The following CSMD1 variants were observed in gnomAD, a reference collection of about 807,000 sequenced individuals.
CSMD1 encodes the protein CUB and Sushi multiple domains 1.
CSMD1 carries 213 observed loss-of-function variants against 417.5 expected under a neutral mutation model. The ratio of observed to expected loss-of-function variants is 0.51; its 90% CI spans 0.46 to 0.57. The LOEUF (loss-of-function observed/expected upper bound fraction) is 0.57, where lower values mean the gene tolerates loss of function less well. CSMD1 is among the 20% of genes least tolerant of loss of function. The pLI, the probability that CSMD1 is intolerant of heterozygous loss-of-function variation, is 0.00. For synonymous variants in CSMD1, 2,862 were observed against 1,736.8 expected (o/e 1.65, Z -16.11); for missense variants, 6,923 against 4,529.7 (o/e 1.53, Z -15.17).
chr8:3,062,931 C>T (rs560075203), intron 49 of CSMD1, among the ~76,000 whole-genome samples: 150 of 151,914 alleles, frequency 9.9e-4, no homozygotes, highest in African/African-American at 3.2e-3. Context: ...GTCTTTTTTT[C>T]GGAATATAAA....
At chr8:4,067,147 G>C (rs1366183197) in intron 3 of CSMD1, among the ~76,000 whole-genome samples, 1 of 152,198 alleles carries the variant, frequency 6.6e-6, no homozygotes, top group African/African-American at 2.4e-5. Context: ...CAAAACCAAA[G>C]GGAAAGCAAG....
At chr8:4,588,599 A>G (rs1375465858) in intron 2 of CSMD1, among the ~76,000 whole-genome samples, 4 of 151,814 alleles carry the variant, frequency 2.6e-5, no homozygotes, top group Non-Finnish European at 5.9e-5. Flanking sequence ...ATCCTGGTTA[A>G]CACGGTGAAA....
Position 4,994,668 on chromosome 8 carries a change from C to A in CSMD1, c.-252G>T, listed in dbSNP as rs1474816280. 2 of 400,734 alleles carry A rather than the reference C, an allele frequency of 5.0e-6. No individual in the cohort carries two copies. Among genetic ancestry groups the A allele is most frequent in the Non-Finnish European group, 8.9e-6 (2 of 223,828 alleles). The allele number at this position is 400,734 out of a possible 1,614,324, so 24.8% of individuals were successfully genotyped here. A position where few individuals can be genotyped will look rare whatever the true frequency, so the allele number is the denominator to read the frequency against. On this transcript the variant is annotated 5_prime_UTR_variant, in exon 1 of 70. Transcript: ENST00000635120. ...AGACCCGGGCTGGCGGGGCCGGGGC[C>A]GGGGACGAGCGCCGGCCGAGCCGGG...
chr8:3,580,940 C>A (rs985415401), intron 9 of CSMD1, among the ~76,000 whole-genome samples: 12 of 152,196 alleles, frequency 7.9e-5, no homozygotes, highest in African/African-American at 1.7e-4. Context: ...TTTTAGCTAA[C>A]CTCATCTGAA....
chr8:4,077,839 T>A (rs143108807), intron 3 of CSMD1, among the ~76,000 whole-genome samples: 4 of 152,152 alleles, frequency 2.6e-5, no homozygotes, highest in African/African-American at 4.8e-5. Flanking sequence ...ATAAACCAAA[T>A]TGAGCCTAAA....
At chr8:3,952,357 G>A (rs868077478) in intron 5 of CSMD1, among the ~76,000 whole-genome samples, 3 of 152,102 alleles carry the variant, frequency 2.0e-5, no homozygotes, top group Non-Finnish European at 1.5e-5. Flanking sequence ...ATCTTCTGTT[G>A]AACCAAACAT....
chr8:3,398,243 A>C (rs1475938044), intron 16 of CSMD1, among the ~76,000 whole-genome samples: 1 of 152,202 alleles, frequency 6.6e-6, no homozygotes, highest in African/African-American at 2.4e-5. Context: ...TAAGTGGAGA[A>C]ATTAGTAAGA....
At chr8:4,320,063 C>T (rs377714650) in intron 3 of CSMD1, among the ~76,000 whole-genome samples, 1 of 152,120 alleles carries the variant, frequency 6.6e-6, no homozygotes, top group Non-Finnish European at 1.5e-5. Flanking sequence ...CAAAAGACTT[C>T]GTTGGTTTTA....
At chr8:3,558,011 T>C (rs1799232858) in intron 10 of CSMD1, among the ~76,000 whole-genome samples, 6 of 151,936 alleles carry the variant, frequency 3.9e-5, no homozygotes, top group Admixed American at 3.9e-4. Flanking sequence ...TGTCCACTCC[T>C]CCAATGATGA....
chr8:4,203,455 T>C (rs1192102089), intron 3 of CSMD1, among the ~76,000 whole-genome samples: 3 of 152,194 alleles, frequency 2.0e-5, no homozygotes, highest in Non-Finnish European at 4.4e-5. Flanking sequence ...TCCAATGTGC[T>C]TTTCTTCTTT....
chr8:3,548,433 A>G (rs1259610270), intron 10 of CSMD1, among the ~76,000 whole-genome samples: 3 of 152,052 alleles, frequency 2.0e-5, no homozygotes, highest in African/African-American at 4.8e-5. Flanking sequence ...GTAGTCTTGT[A>G]TCCCTCAACC....
intron 25 of CSMD1, among the ~76,000 whole-genome samples, chr8:3,293,427 A>C (rs1803727984): frequency 6.6e-6 from 1 of 152,162 alleles, no homozygotes; most frequent in Admixed American, 6.5e-5. Context: ...GTGTTTTCCA[A>C]CTTGGTTCCA....
intron 6 of CSMD1, among the ~76,000 whole-genome samples, chr8:3,738,216 G>A (rs35552704): frequency 0.33 from 50,022 of 151,998 alleles, 8,413 homozygotes; most frequent in Admixed American, 0.37. Context: ...ATATGAAGTA[G>A]TGAATTTTAT....
chr8:3,241,194 G>A (rs373181223), intron 26 of CSMD1, among the ~76,000 whole-genome samples: 2 of 151,582 alleles, frequency 1.3e-5, no homozygotes, highest in Non-Finnish European at 2.9e-5. Context: ...GGCCTAATAA[G>A]GGAACTGGGC....
chr8:4,956,218 C>T (rs571662447), intron 1 of CSMD1, among the ~76,000 whole-genome samples: 1 of 151,006 alleles, frequency 6.6e-6, no homozygotes, highest in African/African-American at 2.4e-5. Flanking sequence ...TTAAGTTGTT[C>T]AACACCTTTA....
In CSMD1 at chr8:4,141,339, C is replaced by T. The variant is rs573649486; in HGVS notation, c.416-109240G>A. On this transcript the variant is annotated intron_variant, in intron 3 of 69. Coordinates refer to ENST00000635120, the MANE Select transcript of CSMD1 (RefSeq NM_033225.6). ...AAGGGGAAATGAAGCTACTACTGTT[C>T]AGAGAAGTATGCTCATGAAGCTTGT... Among the ~76,000 whole-genome samples the T allele has an allele frequency of 8.6e-5, 13 of 151,240 alleles. 2 individuals carry two copies. The highest frequency in any genetic ancestry group is 3.2e-4 in the African/African-American group (13 of 40,552).
chr8:4,683,346 AT>A (rs1336652407), intron 1 of CSMD1, among the ~76,000 whole-genome samples: 1 of 152,168 alleles, frequency 6.6e-6, no homozygotes, highest in Non-Finnish European at 1.5e-5. Flanking sequence ...ACACAGGCCC[AT>A]TTGGAGTGGT....
At chr8:4,958,812 C>A (rs1809289389) in intron 1 of CSMD1, among the ~76,000 whole-genome samples, 1 of 152,036 alleles carries the variant, frequency 6.6e-6, no homozygotes, top group East Asian at 1.9e-4. Context: ...AAAATATATC[C>A]CATGCTTCTG....
At chr8:3,086,572 A>G (rs898578920) in intron 49 of CSMD1, among the ~76,000 whole-genome samples, 1 of 152,202 alleles carries the variant, frequency 6.6e-6, no homozygotes, top group African/African-American at 2.4e-5. Flanking sequence ...CCTTCAATTA[A>G]AATTAAAATG....
Sources: gnomAD v4.1 joint callset for allele counts (sites outside exome capture counted in the v4.1 genomes callset) on GRCh38, gnomAD v4.1.1 for gene constraint, MANE v1.5 for transcripts, NCBI Gene and HGNC (gene_info 2026-07-23, HGNC 2026-07-21) for gene names.